The following DPP10 variants were observed in gnomAD, a reference collection of about 807,000 sequenced individuals.
The protein encoded by DPP10 is dipeptidyl peptidase like 10.
Under a neutral mutation model 120.9 loss-of-function variants are expected in DPP10, and 33 were observed. That is an observed-to-expected ratio of 0.27 (90% CI 0.21 to 0.37). DPP10 has a LOEUF of 0.37. DPP10 is among the 10% of genes least tolerant of loss of function. The pLI is 1.00. For missense variants in DPP10, 816 were observed against 942.8 expected (o/e 0.87, Z 1.76); for synonymous variants, 337 against 326.1 (o/e 1.03, Z -0.36).
intron 3 of DPP10, among the ~76,000 whole-genome samples, chr2:115,394,376 G>T (rs1223384604): frequency 6.7e-6 from 1 of 149,424 alleles, no homozygotes; most frequent in Non-Finnish European, 1.5e-5. Context: ...GTTCTTGGAG[G>T]TATTCTTTTG....
At chr2:115,348,466 AAATG>A in intron 3 of DPP10, among the ~76,000 whole-genome samples, 1 of 152,180 alleles carries the variant, frequency 6.6e-6, no homozygotes, top group South Asian at 2.1e-4. Flanking sequence ...TTTTTTCAAT[AAATG>A]CATGTGTTTA....
chr2:115,690,483 G>A (rs937129478), intron 7 of DPP10, among the ~76,000 whole-genome samples: 1 of 152,162 alleles, frequency 6.6e-6, no homozygotes, highest in African/African-American at 2.4e-5. Flanking sequence ...TGAGATCTCA[G>A]CTCGCTGCAA....
intron 2 of DPP10, among the ~76,000 whole-genome samples, chr2:115,341,958 C>G (rs2063469182): frequency 6.6e-6 from 1 of 152,116 alleles, no homozygotes; most frequent in Non-Finnish European, 1.5e-5. Flanking sequence ...TGGGTAAATA[C>G]AAAGGAGCCT....
chr2:115,496,729 T>C (rs1024935056), intron 3 of DPP10, among the ~76,000 whole-genome samples: 6 of 152,140 alleles, frequency 3.9e-5, no homozygotes, highest in African/African-American at 1.2e-4. Flanking sequence ...ACCCAATGAT[T>C]TCTTCCTATC....
chr2:114,519,608 T>G (rs1037300211), intron 1 of DPP10, among the ~76,000 whole-genome samples: 2 of 152,194 alleles, frequency 1.3e-5, no homozygotes, highest in African/African-American at 2.4e-5. Flanking sequence ...TCAGAGTCCC[T>G]AAACAAAATT....
intron 1 of DPP10, among the ~76,000 whole-genome samples, chr2:115,182,589 C>G (rs2054151839): frequency 6.6e-6 from 1 of 152,164 alleles, no homozygotes; most frequent in African/African-American, 2.4e-5. Context: ...TCTCAGTGAT[C>G]TAACCTTTTT....
chr2:115,033,712 A>G (rs116446095), intron 1 of DPP10, among the ~76,000 whole-genome samples: 2 of 88,058 alleles, frequency 2.3e-5, no homozygotes, highest in Admixed American at 1.2e-4. Flanking sequence ...TTTTTTTTTT[A>G]TTTTTAGAGA....
intron 1 of DPP10, among the ~76,000 whole-genome samples, chr2:114,893,034 G>GA (rs1334567275): frequency 6.6e-6 from 1 of 152,162 alleles, no homozygotes; most frequent in Non-Finnish European, 1.5e-5. Context: ...AGGTGAAAGT[G>GA]TCTTTATTAT....
intron 1 of DPP10, among the ~76,000 whole-genome samples, chr2:115,167,432 TAAAA>T (rs1298274407): frequency 1.3e-5 from 2 of 150,014 alleles, no homozygotes; most frequent in Non-Finnish European, 3.0e-5. Flanking sequence ...AAAAAGAAAA[TAAAA>T]AGAAAAGAAA....
In DPP10 at chr2:114,635,933, T is replaced by C. The variant is rs535062468; in HGVS notation, c.60+193095T>C. 2.0e-5 allele frequency among the ~76,000 whole-genome samples: 3 copies of C among 152,056 alleles called. No individual in the cohort carries two copies. In the South Asian group the frequency reaches 6.2e-4, roughly 31 times the overall value. ...TGTAAGAAAATTACATTTGTTAATA[T>C]CACATTCTTGAACATCTATAATTAC... On this transcript the variant is annotated intron_variant, in intron 1 of 25. Coordinates refer to ENST00000410059, the MANE Select transcript of DPP10 (RefSeq NM_020868.6).
intron 1 of DPP10, among the ~76,000 whole-genome samples, chr2:115,112,182 A>G (rs1400127345): frequency 1.3e-5 from 2 of 152,104 alleles, no homozygotes; most frequent in East Asian, 3.8e-4. Flanking sequence ...GTTAGATAAA[A>G]TCCAGAATAT....
At chr2:114,877,536 C>A (rs531280529) in intron 1 of DPP10, among the ~76,000 whole-genome samples, 28 of 152,024 alleles carry the variant, frequency 1.8e-4, no homozygotes, top group Non-Finnish European at 1.2e-4. Flanking sequence ...ATCCCACAGA[C>A]CATAGATCCG....
chr2:115,176,324 CATTTT>C (rs930377882), intron 1 of DPP10, among the ~76,000 whole-genome samples: 2 of 146,628 alleles, frequency 1.4e-5, no homozygotes, highest in African/African-American at 2.5e-5. Context: ...TATATATAAA[CATTTT>C]ATATTTATAA....
chr2:114,988,046 C>A (rs1016073799), intron 1 of DPP10, among the ~76,000 whole-genome samples: 2 of 151,886 alleles, frequency 1.3e-5, no homozygotes, highest in Non-Finnish European at 2.9e-5. Flanking sequence ...CCTCGTGATC[C>A]GCCCGCCTCG....
At chr2:114,523,730 C>T (rs1396650565) in intron 1 of DPP10, among the ~76,000 whole-genome samples, 1 of 152,102 alleles carries the variant, frequency 6.6e-6, no homozygotes, top group Non-Finnish European at 1.5e-5. Context: ...GATGTGGAGT[C>T]TCAACAATCT....
At chr2:114,503,638 C>T (rs1020541886) in intron 1 of DPP10, among the ~76,000 whole-genome samples, 1 of 152,168 alleles carries the variant, frequency 6.6e-6, no homozygotes, top group Non-Finnish European at 1.5e-5. Flanking sequence ...TTTCATTACA[C>T]TGTTTGTGGG....
chr2:114,472,046 A>G (rs1004736315), intron 1 of DPP10, among the ~76,000 whole-genome samples: 2 of 152,366 alleles, frequency 1.3e-5, no homozygotes, highest in Middle Eastern at 3.4e-3. Flanking sequence ...AGACCTCAGC[A>G]TAACAGCTCA....
Position 115,221,423 on chromosome 2 carries a change from G to A in DPP10, c.61-87816G>A, listed in dbSNP as rs745381817. 3.3e-5 allele frequency among the ~76,000 whole-genome samples: 5 copies of A among 152,044 alleles called. No individual in the cohort carries two copies. In the South Asian group the frequency reaches 6.2e-4, roughly 19 times the overall value. On this transcript the variant is annotated intron_variant, in intron 1 of 25. Coordinates refer to ENST00000410059, the MANE Select transcript of DPP10 (RefSeq NM_020868.6). ...GGGTTCGGCAAACCATGGCTCATGC[G>A]GAACAGCCTATTTTTGAATATAAGT... is the stretch of plus-strand genomic sequence containing the variant.
Position 114,726,467 on chromosome 2 carries a change from G to A in DPP10, c.60+283629G>A, listed in dbSNP as rs531785497. On this transcript the variant is annotated intron_variant, in intron 1 of 25. Transcript: ENST00000410059. ...ATATTTCTTTTGTAGAAGAAATCCA[G>A]GTTTCCAAAAAGCCACTGACAAACA... is the stretch of plus-strand genomic sequence containing the variant. Among the ~76,000 whole-genome samples, 11 of 152,212 alleles carry A rather than the reference G, an allele frequency of 7.2e-5. No individual in the cohort carries two copies. In the South Asian group the frequency reaches 2.1e-3, roughly 29 times the overall value.
Sources: allele counts gnomAD v4.1 joint callset (sites outside exome capture counted in the v4.1 genomes callset), GRCh38; gene constraint gnomAD v4.1.1; transcripts MANE v1.5; gene names NCBI Gene and HGNC (gene_info 2026-07-23, HGNC 2026-07-21).